Variants in NRXN3 observed in about 807,000 individuals in gnomAD.
NRXN3 encodes the protein neurexin III.
In NRXN3, 32 loss-of-function variants were observed where a neutral mutation model predicts 137.6. The ratio of observed to expected loss-of-function variants is 0.23; its 90% confidence interval spans 0.18 to 0.31. NRXN3 has a LOEUF of 0.31. Ranked by LOEUF, NRXN3 falls within the 10% of genes least tolerant of loss-of-function variation. The probability of loss-of-function intolerance (pLI) is 1.00; values close to 1 mark genes in which losing one functional copy is unlikely to be tolerated. For synonymous variants in NRXN3, 798 were observed against 784.5 expected (o/e 1.02, Z -0.29); for missense variants, 1,574 against 2,062.5 (o/e 0.76, Z 4.59).
intron 20 of NRXN3, among the ~76,000 whole-genome samples, chr14:79,830,959 C>T (rs1231311150): frequency 2.0e-5 from 3 of 152,126 alleles, no homozygotes; most frequent in African/African-American, 7.2e-5. Flanking sequence ...TGAAGAAGCT[C>T]ACTTTTTTAG....
intron 4 of NRXN3, among the ~76,000 whole-genome samples, chr14:78,340,596 T>C (rs1286847075): frequency 1.3e-5 from 2 of 152,142 alleles, no homozygotes; most frequent in African/African-American, 4.8e-5. Flanking sequence ...CTCCTCCATG[T>C]GGCTTCTCGT....
At chr14:78,346,236 C>G (rs768082999) in intron 4 of NRXN3, among the ~76,000 whole-genome samples, 22 of 152,166 alleles carry the variant, frequency 1.4e-4, no homozygotes, top group Admixed American at 2.6e-4. Context: ...CTTGCCCATC[C>G]TAGGGTCACT....
chr14:79,382,853 C>G lies in NRXN3; in HGVS notation c.3263-84368C>G, dbSNP rs140934375. Among the ~76,000 whole-genome samples, 745 of 152,184 alleles carry G rather than the reference C, an allele frequency of 4.9e-3. 21 individuals carry two copies. Among genetic ancestry groups the G allele is most frequent in the Admixed American group, 0.044 (676 of 15,262 alleles). On this transcript the variant is annotated intron_variant, in intron 15 of 20. Transcript: ENST00000335750. ...AGGTTCCAACTTTACGATTGACTTTCCTAATTCAATTGGCTATTTGACTTC... is the reference window on the plus strand; with the variant it reads ...AGGTTCCAACTTTACGATTGACTTTGCTAATTCAATTGGCTATTTGACTTC...
At chr14:79,019,451 T>C (rs1206323013) in intron 15 of NRXN3, among the ~76,000 whole-genome samples, 1 of 152,106 alleles carries the variant, frequency 6.6e-6, no homozygotes, top group Non-Finnish European at 1.5e-5. Flanking sequence ...AAGATAGTGA[T>C]AAGGGCTATG....
At chr14:78,702,536 C>T (rs746884746) in intron 6 of NRXN3, among the ~76,000 whole-genome samples, 4 of 150,654 alleles carry the variant, frequency 2.7e-5, no homozygotes, top group Admixed American at 6.7e-5. Context: ...CCTCCACCTC[C>T]GGAGTTCAAG....
chr14:79,436,101 C>T (rs180790963), intron 15 of NRXN3, among the ~76,000 whole-genome samples: 4 of 152,124 alleles, frequency 2.6e-5, no homozygotes, highest in Non-Finnish European at 4.4e-5. Context: ...ATAGAGGTGC[C>T]GCTTTTTCAT....
intron 15 of NRXN3, among the ~76,000 whole-genome samples, chr14:79,274,065 G>C (rs184375104): frequency 6.8e-6 from 1 of 147,804 alleles, no homozygotes; most frequent in Admixed American, 6.8e-5. Flanking sequence ...ATTACGCACT[G>C]CACTCCAGTC....
intron 4 of NRXN3, among the ~76,000 whole-genome samples, chr14:78,360,199 T>C (rs2084912610): frequency 6.6e-6 from 1 of 152,128 alleles, no homozygotes; most frequent in African/African-American, 2.4e-5. Flanking sequence ...TCTAGGGAAC[T>C]TGACAGTGTC....
intron 8 of NRXN3, among the ~76,000 whole-genome samples, chr14:78,757,864 T>C (rs1179650716): frequency 2.0e-5 from 3 of 152,222 alleles, no homozygotes; most frequent in African/African-American, 7.2e-5. Context: ...TACATTAGAT[T>C]CATAACTTTT....
At position 79,126,023 on chromosome 14, in the gene NRXN3, C is replaced by T. The variant is rs571739739; in HGVS notation, c.3262+137882C>T. ...CTTTTGCACTGATTGGACATCACAG[C>T]ATTCAAAATGTTCACAAAGTACCTA... On this transcript the variant is annotated intron_variant, in intron 15 of 20. Coordinates refer to ENST00000335750, the MANE Select transcript of NRXN3 (RefSeq NM_001330195.2). Among the ~76,000 whole-genome samples the T allele has an allele frequency of 7.2e-5, 11 of 152,200 alleles. No individual in the cohort carries two copies. The South Asian group carries it at 2.3e-3, about 32-fold the overall frequency.
intron 19 of NRXN3, among the ~76,000 whole-genome samples, chr14:79,737,827 G>A (rs943912494): frequency 2.0e-5 from 3 of 151,910 alleles, no homozygotes; most frequent in Admixed American, 6.6e-5. Flanking sequence ...CAAAGTGCTG[G>A]GATTACAGGT....
intron 16 of NRXN3, among the ~76,000 whole-genome samples, chr14:79,538,934 A>G (rs964401116): frequency 1.3e-5 from 2 of 152,168 alleles, no homozygotes; most frequent in Non-Finnish European, 2.9e-5. Flanking sequence ...GCAATTATTC[A>G]TTTTTGTTTA....
chr14:79,421,105 T>G (rs2095569499), intron 15 of NRXN3, among the ~76,000 whole-genome samples: 1 of 152,336 alleles, frequency 6.6e-6, no homozygotes, highest in South Asian at 2.1e-4. Flanking sequence ...ATAGCCAGTT[T>G]CATAAAAGAG....
intron 10 of NRXN3, among the ~76,000 whole-genome samples, chr14:78,820,461 G>A (rs1297017621): frequency 3.4e-5 from 5 of 146,780 alleles, no homozygotes; most frequent in Admixed American, 6.8e-5. Flanking sequence ...GTAATTTTCT[G>A]GCTGTTCTGT....
chr14:78,577,914 TTTGA>T (rs2096953178), intron 4 of NRXN3, among the ~76,000 whole-genome samples: 1 of 152,128 alleles, frequency 6.6e-6, no homozygotes, highest in African/African-American at 2.4e-5. Flanking sequence ...CTGTCTTTTG[TTTGA>T]TTGTTTGTAT....
intron 4 of NRXN3, among the ~76,000 whole-genome samples, chr14:78,432,273 A>G: frequency 6.6e-6 from 1 of 151,302 alleles, no homozygotes; most frequent in African/African-American, 2.4e-5. Context: ...ATGGCTTGCC[A>G]GACCCATCTT....
intron 5 of NRXN3, among the ~76,000 whole-genome samples, chr14:78,645,677 G>C (rs1248241542): frequency 6.6e-6 from 1 of 150,682 alleles, no homozygotes. Flanking sequence ...GATAATAAAA[G>C]TTGTAAGTAC....
chr14:79,499,956 C>CGTGTGTGTGTGTGTGTGTGT (rs35371414), intron 16 of NRXN3, among the ~76,000 whole-genome samples: 2 of 145,140 alleles, frequency 1.4e-5, no homozygotes, highest in East Asian at 2.0e-4. Flanking sequence ...ATCTTAGGGT[C>CGTGTGTGTGTGTGTGTGTGT]GTGTGTGTGT....
rs1324483470 is a variant in NRXN3, at chr14:78,926,696, A to T, written c.2276-30546A>T. On this transcript the variant is annotated intron_variant, in intron 10 of 20. Transcript: ENST00000335750. ...TAATTATATATTATGTAATATATAT[A>T]AAATATATATTATATATTATATAAT... is the stretch of plus-strand genomic sequence containing the variant. Among the ~76,000 whole-genome samples, 256 of 95,810 alleles carry T rather than the reference A, an allele frequency of 2.7e-3. 1 individual carries two copies. The highest frequency in any genetic ancestry group is 4.4e-3 in the Middle Eastern group (1 of 226). The allele number at this position is 95,810 out of a possible 152,430, so 62.9% of individuals were successfully genotyped here.
Sources: gnomAD v4.1 joint callset for allele counts (sites outside exome capture counted in the v4.1 genomes callset) on GRCh38, gnomAD v4.1.1 for gene constraint, MANE v1.5 for transcripts, NCBI Gene and HGNC (gene_info 2026-07-23, HGNC 2026-07-21) for gene names.